The following CNBD1 variants were observed in gnomAD, a reference collection of about 807,000 sequenced individuals.
CNBD1 encodes cyclic nucleotide-binding domain-containing protein 1.
In CNBD1, 71 loss-of-function variants were observed where a neutral mutation model predicts 54.4. The observed-to-expected ratio is 1.30, with a 90% CI of 1.08 to 1.59. The LOEUF (loss-of-function observed/expected upper bound fraction) is 1.59. Ranked by LOEUF, CNBD1 falls within the 40% of genes most tolerant of loss-of-function variation. The pLI is 0.00. For missense variants in CNBD1, 659 were observed against 518.0 expected (o/e 1.27, Z -2.64); for synonymous variants, 182 against 170.7 (o/e 1.07, Z -0.51).
intron 4 of CNBD1, among the ~76,000 whole-genome samples, chr8:87,060,532 C>T (rs1810519647): frequency 6.6e-6 from 1 of 152,124 alleles, no homozygotes; most frequent in South Asian, 2.1e-4. Context: ...TCCTTTTCTC[C>T]ATTTGGGAAT....
intron 10 of CNBD1, among the ~76,000 whole-genome samples, chr8:87,376,203 T>C (rs1375365734): frequency 2.0e-5 from 3 of 152,008 alleles, no homozygotes; most frequent in East Asian, 1.9e-4. Flanking sequence ...ACAACAAACG[T>C]TTATTTTCCC....
intron 4 of CNBD1, among the ~76,000 whole-genome samples, chr8:87,073,771 A>T (rs1329055938): frequency 1.3e-5 from 2 of 152,108 alleles, no homozygotes; most frequent in African/African-American, 4.8e-5. Context: ...GAGAGGGCTC[A>T]CCTAGTCAAG....
chr8:87,422,259 G>A (rs1213607915), intron 2 of CNBD1, among the ~76,000 whole-genome samples: 1 of 145,258 alleles, frequency 6.9e-6, no homozygotes, highest in Non-Finnish European at 1.5e-5. Context: ...CTTTTGCTGT[G>A]CAGAAGCTCT....
intron 10 of CNBD1, among the ~76,000 whole-genome samples, chr8:87,362,405 C>A (rs1168370563): frequency 6.6e-6 from 1 of 152,046 alleles, no homozygotes; most frequent in Admixed American, 6.6e-5. Context: ...CACACTGCCC[C>A]TTGTTCATCC....
At chr8:87,424,600 A>C (rs1808010526) in intron 2 of CNBD1, among the ~76,000 whole-genome samples, 1 of 152,086 alleles carries the variant, frequency 6.6e-6, no homozygotes, top group South Asian at 2.1e-4. Flanking sequence ...TGAGATTCTT[A>C]ATCCTGAGTT....
At chr8:87,176,078 C>A (rs1813191139) in intron 4 of CNBD1, among the ~76,000 whole-genome samples, 1 of 152,172 alleles carries the variant, frequency 6.6e-6, no homozygotes, top group African/African-American at 2.4e-5. Context: ...GTGACCGCTG[C>A]AGGGGCAGGG....
At chr8:87,243,954 G>C (rs2336984) in intron 6 of CNBD1, among the ~76,000 whole-genome samples, 44,914 of 151,808 alleles carry the variant, frequency 0.3, 7,385 homozygotes, top group African/African-American at 0.44. Flanking sequence ...AAAAAATTTT[G>C]TATAAATTTA....
chr8:87,101,298 T>C lies in CNBD1; in HGVS notation c.432-104695T>C, dbSNP rs554362780. 3.3e-5 allele frequency among the ~76,000 whole-genome samples: 5 copies of C among 152,192 alleles called. No individual in the cohort carries two copies. The South Asian group carries it at 1.0e-3, about 32-fold the overall frequency. The stretch of plus-strand genomic sequence containing the variant: ...AAAAACCAAAGGAAAAACATAATTA[T>C]AGTGAATGAACAGGTGGGAAATCTT... On this transcript the variant is annotated intron_variant, in intron 4 of 10. Transcript: ENST00000518476.
chr8:87,353,731 A>G lies in CNBD1; in HGVS notation c.1248A>G (p.Thr416=), dbSNP rs1261123316. The G allele has an allele frequency of 6.2e-7, 1 of 1,611,768 alleles. No homozygotes were observed. The change falls in exon 10 of 11, where the codon ACA becomes ACG. Residue 416 remains threonine, a synonymous_variant. Coordinates refer to ENST00000518476, the MANE Select transcript of CNBD1 (RefSeq NM_173538.3). ...SVLLQVPFTC[T]IITKKEVEMA... is the part of the protein sequence containing the mutation. ...TTCTTCAAGTTCCTTTCACGTGCAC[A>G]ATCATTACCAAAAAAGAAGTTGAGA...
chr8:87,352,996 C>G (rs1213052153), intron 9 of CNBD1, among the ~76,000 whole-genome samples: 1 of 152,158 alleles, frequency 6.6e-6, no homozygotes, highest in Admixed American at 6.5e-5. Flanking sequence ...TGGTCATCAA[C>G]TCCTAGCAAA....
At chr8:87,153,478 G>A (rs1018964301) in intron 4 of CNBD1, among the ~76,000 whole-genome samples, 3 of 152,088 alleles carry the variant, frequency 2.0e-5, no homozygotes, top group African/African-American at 7.2e-5. Context: ...AGTCATGTAA[G>A]GCATGCAGAG....
chr8:87,396,981 T>C (rs538816040), intron 2 of CNBD1, among the ~76,000 whole-genome samples: 28 of 151,620 alleles, frequency 1.8e-4, no homozygotes, highest in African/African-American at 6.0e-4. Context: ...GAATCACGTA[T>C]AACTAATTTC....
chr8:87,413,015 G>T (rs1347953245), intron 2 of CNBD1, among the ~76,000 whole-genome samples: 1 of 151,992 alleles, frequency 6.6e-6, no homozygotes, highest in East Asian at 1.9e-4. Context: ...AGATACAACA[G>T]AACTCGGGTT....
chr8:87,371,102 C>A (rs1810779166), intron 10 of CNBD1, among the ~76,000 whole-genome samples: 1 of 151,466 alleles, frequency 6.6e-6, no homozygotes. Flanking sequence ...TGTTTTGGTA[C>A]CAGTACCATG....
At chr8:87,078,273 G>T (rs973793307) in intron 4 of CNBD1, among the ~76,000 whole-genome samples, 2 of 152,198 alleles carry the variant, frequency 1.3e-5, no homozygotes, top group Non-Finnish European at 2.9e-5. Flanking sequence ...AAAGGTTCCT[G>T]AAAGAACAAT....
At chr8:87,239,389 A>G (rs190814862) in intron 6 of CNBD1, among the ~76,000 whole-genome samples, 1 of 152,084 alleles carries the variant, frequency 6.6e-6, no homozygotes, top group Non-Finnish European at 1.5e-5. Context: ...TTGTGTATTT[A>G]CTTAGTGGGC....
intron 4 of CNBD1, among the ~76,000 whole-genome samples, chr8:87,128,648 T>G (rs763193149): frequency 1.3e-5 from 2 of 152,198 alleles, no homozygotes; most frequent in Non-Finnish European, 2.9e-5. Flanking sequence ...CTCTATTCTT[T>G]AGTTTGTTAA....
intron 4 of CNBD1, among the ~76,000 whole-genome samples, chr8:87,110,120 G>A (rs2130703210): frequency 6.6e-6 from 1 of 152,296 alleles, no homozygotes; most frequent in African/African-American, 2.4e-5. Context: ...AGCCCATCGG[G>A]AGGATTATCC....
intron 6 of CNBD1, among the ~76,000 whole-genome samples, chr8:87,262,120 T>A (rs528362771): frequency 6.6e-6 from 1 of 152,102 alleles, no homozygotes; most frequent in Non-Finnish European, 1.5e-5. Context: ...TGCCACTGCA[T>A]TCCAGCCTGG....
Sources: allele counts gnomAD v4.1 joint callset (sites outside exome capture counted in the v4.1 genomes callset), GRCh38; gene constraint gnomAD v4.1.1; transcripts MANE v1.5; gene names NCBI Gene and HGNC (gene_info 2026-07-23, HGNC 2026-07-21).